Variants in KCNN2 observed in about 807,000 individuals in gnomAD.
KCNN2 encodes small conductance calcium-activated potassium channel protein 2.
Under a neutral mutation model 55.5 loss-of-function variants are expected in KCNN2, and 24 were observed. That is an observed-to-expected ratio of 0.43 (90% CI 0.31 to 0.61). The LOEUF (loss-of-function observed/expected upper bound fraction) is 0.61, where lower values mean the gene tolerates loss of function less well. Ranked by LOEUF, KCNN2 falls within the 20% of genes least tolerant of loss-of-function variation. The pLI, the probability that KCNN2 is intolerant of heterozygous loss-of-function variation, is 0.08. For missense variants in KCNN2, 754 were observed against 853.6 expected (o/e 0.88, Z 1.45); for synonymous variants, 431 against 336.1 (o/e 1.28, Z -3.09).
chr5:114,062,852 T>C (rs1425067812), intron 1 of KCNN2, among the ~76,000 whole-genome samples: 1 of 152,200 alleles, frequency 6.6e-6, no homozygotes, highest in African/African-American at 2.4e-5. Flanking sequence ...GTTAAAATGT[T>C]AGGATACTAA....
rs180776229 is a variant in KCNN2, at chr5:114,296,505, G to A, written c.-184-64440G>A. ...AATTAGTATTTGTGAAACACCAAGA[G>A]GTCTCTGTAGAAATGGCCTTGGGTA... On this transcript the variant is annotated intron_variant, in intron 2 of 10. Coordinates refer to the KCNN2 transcript ENST00000512097. Among the ~76,000 whole-genome samples, 392 of 152,260 alleles carry A rather than the reference G, an allele frequency of 2.6e-3. 1 individual carries two copies. Among genetic ancestry groups the A allele is most frequent in the African/African-American group, 9.1e-3 (377 of 41,552 alleles).
intron 2 of KCNN2, among the ~76,000 whole-genome samples, chr5:114,398,141 A>G (rs891262915): frequency 6.6e-6 from 1 of 152,096 alleles, no homozygotes; most frequent in Non-Finnish European, 1.5e-5. Flanking sequence ...AGGTTATAGT[A>G]CAGGGTTTTT....
At chr5:114,126,170 C>G (rs1214656014) in intron 1 of KCNN2, among the ~76,000 whole-genome samples, 3 of 152,080 alleles carry the variant, frequency 2.0e-5, no homozygotes, top group African/African-American at 7.2e-5. Flanking sequence ...ACCAGTGATA[C>G]TGGATTAGGT....
intron 2 of KCNN2, among the ~76,000 whole-genome samples, chr5:114,227,516 G>A (rs1255359200): frequency 6.6e-6 from 1 of 152,104 alleles, no homozygotes; most frequent in Non-Finnish European, 1.5e-5. Context: ...TGTTTTCTCA[G>A]TAGATTATAA....
chr5:114,490,139 T>C (rs1240865771), intron 6 of KCNN2, among the ~76,000 whole-genome samples: 1 of 152,180 alleles, frequency 6.6e-6, no homozygotes, highest in African/African-American at 2.4e-5. Context: ...AACTTTCCCT[T>C]TAAAGTTTAT....
At chr5:114,245,820 G>A (rs1300386887) in intron 2 of KCNN2, among the ~76,000 whole-genome samples, 2 of 152,144 alleles carry the variant, frequency 1.3e-5, no homozygotes, top group African/African-American at 2.4e-5. Flanking sequence ...GAACAGTCAG[G>A]AACAGGTGGA....
Position 114,296,283 on chromosome 5 carries a change from C to G in KCNN2, c.-184-64662C>G, listed in dbSNP as rs139356477. Among the ~76,000 whole-genome samples, 548 of 152,322 alleles carry G rather than the reference C, an allele frequency of 3.6e-3. 5 individuals carry two copies. The highest frequency in any genetic ancestry group is 0.013 in the African/African-American group (521 of 41,562). ...TGGAAAAGAGACTGATTGTCCCCTC[C>G]TGGTGGCATCTTGGGCCCAAACTGG... On this transcript the variant is annotated intron_variant, in intron 2 of 10. Coordinates refer to the KCNN2 transcript ENST00000512097.
At chr5:114,173,614 A>T (rs1003140059) in intron 1 of KCNN2, among the ~76,000 whole-genome samples, 1 of 151,910 alleles carries the variant, frequency 6.6e-6, no homozygotes, top group Non-Finnish European at 1.5e-5. Context: ...TGATTCTTCC[A>T]ATTCATGAAC....
intron 2 of KCNN2, among the ~76,000 whole-genome samples, chr5:114,306,220 C>G (rs960761152): frequency 6.6e-6 from 1 of 152,152 alleles, no homozygotes; most frequent in African/African-American, 2.4e-5. Context: ...TAGCATTCAC[C>G]AGATCTGCCT....
intron 1 of KCNN2, among the ~76,000 whole-genome samples, chr5:114,075,851 G>T (rs1191450354): frequency 1.3e-5 from 2 of 152,142 alleles, no homozygotes; most frequent in East Asian, 3.9e-4. Flanking sequence ...CCAGCCTATT[G>T]GATGATGAAA....
At chr5:114,385,918 C>T (rs1280232875) in intron 2 of KCNN2, among the ~76,000 whole-genome samples, 1 of 151,530 alleles carries the variant, frequency 6.6e-6, no homozygotes, top group Non-Finnish European at 1.5e-5. Flanking sequence ...GTGGTTCACA[C>T]CTGTAATCCC....
intron 1 of KCNN2, among the ~76,000 whole-genome samples, chr5:114,125,118 A>G (rs1751904004): frequency 6.6e-6 from 1 of 152,220 alleles, no homozygotes; most frequent in South Asian, 2.1e-4. Context: ...TCTAATTTGT[A>G]TATATTGGAG....
At chr5:114,072,429 A>C (rs1750593482) in intron 1 of KCNN2, among the ~76,000 whole-genome samples, 1 of 152,154 alleles carries the variant, frequency 6.6e-6, no homozygotes, top group Admixed American at 6.6e-5. Flanking sequence ...CATAGTCACT[A>C]TGCATTAGCT....
chr5:114,155,182 T>C (rs1752605124), intron 1 of KCNN2, among the ~76,000 whole-genome samples: 1 of 152,160 alleles, frequency 6.6e-6, no homozygotes, highest in African/African-American at 2.4e-5. Context: ...GATAATGACC[T>C]CCAGCCCCAT....
At chr5:114,296,012 G>C (rs546744901) in intron 2 of KCNN2, among the ~76,000 whole-genome samples, 1 of 152,126 alleles carries the variant, frequency 6.6e-6, no homozygotes, top group East Asian at 1.9e-4. Flanking sequence ...ATACTACTGT[G>C]GTATTATTGG....
At chr5:114,279,874 T>C (rs10050952) in intron 2 of KCNN2, among the ~76,000 whole-genome samples, 149,015 of 152,222 alleles carry the variant, frequency 0.98, 73,019 homozygotes, top group Non-Finnish European at 1. Context: ...GGAATTGCCA[T>C]ACTGTCTTCC....
chr5:114,243,681 C>G (rs1349287551), intron 2 of KCNN2, among the ~76,000 whole-genome samples: 1 of 152,066 alleles, frequency 6.6e-6, no homozygotes, highest in African/African-American at 2.4e-5. Context: ...CTTACTGTGC[C>G]TAATTTATAA....
intron 2 of KCNN2, among the ~76,000 whole-genome samples, chr5:114,398,330 T>C (rs1039186225): frequency 4.6e-5 from 7 of 152,196 alleles, no homozygotes; most frequent in Non-Finnish European, 8.8e-5. Context: ...TTGAAGGTTG[T>C]AGATGTGTCG....
chr5:114,254,466 A>G (rs896179389), intron 2 of KCNN2, among the ~76,000 whole-genome samples: 1 of 152,234 alleles, frequency 6.6e-6, no homozygotes, highest in Admixed American at 6.5e-5. Context: ...AGGCAGATAC[A>G]TTTAAAATAC....
Sources: allele counts gnomAD v4.1 joint callset (sites outside exome capture counted in the v4.1 genomes callset), GRCh38; gene constraint gnomAD v4.1.1; transcripts MANE v1.5; gene names NCBI Gene and HGNC (gene_info 2026-07-23, HGNC 2026-07-21).